The following SPATA31F3 variants were observed in gnomAD, a reference collection of about 807,000 sequenced individuals.
SPATA31F3 encodes the protein SPATA31 subfamily F member 3, also known as protein SPATA31F3.
At chr9:34,893,607 AAAAAAAG>A in the SPATA31F3 span, among the ~76,000 whole-genome samples, 2 of 151,922 alleles carry the variant, frequency 1.3e-5, no homozygotes, top group African/African-American at 2.4e-5. Flanking sequence ...GTCTCAAAAA[AAAAAAAG>A]AAAAAAGAAA....
the SPATA31F3 span, among the ~76,000 whole-genome samples, chr9:34,893,696 C>T: frequency 2.6e-5 from 4 of 152,100 alleles, no homozygotes; most frequent in Admixed American, 6.5e-5. Context: ...AGGCTTCAGA[C>T]GACCCATGGG....
At chr9:34,890,089 C>A in the SPATA31F3 span, among the ~76,000 whole-genome samples, 8 of 152,292 alleles carry the variant, frequency 5.3e-5, no homozygotes, top group South Asian at 1.7e-3. Context: ...CAGATCCTTG[C>A]TAGTCTCTGC....
chr9:34,894,618 TAA>T, the SPATA31F3 span: 1 of 397,444 alleles, frequency 2.5e-6, no homozygotes, highest in African/African-American at 2.1e-5. Context: ...GTCAGAACAC[TAA>T]GTCACATCTG....
the SPATA31F3 span, among the ~76,000 whole-genome samples, chr9:34,895,321 C>CG: frequency 1.3e-5 from 2 of 152,054 alleles, no homozygotes; most frequent in Admixed American, 1.3e-4. Context: ...TTCATAAGTT[C>CG]GGTGGGGACT....
the SPATA31F3 span, among the ~76,000 whole-genome samples, chr9:34,892,200 G>C: frequency 6.6e-6 from 1 of 152,106 alleles, no homozygotes; most frequent in African/African-American, 2.4e-5. Flanking sequence ...AGAGGAGAGG[G>C]TAGAGCTAGA....
chr9:34,895,118 T>C, the SPATA31F3 span: 4 of 398,472 alleles, frequency 1.0e-5, no homozygotes, highest in Non-Finnish European at 1.8e-5. Flanking sequence ...GCAAAGCTGC[T>C]ACACCATTTT....
chr9:34,894,425 A>G, the SPATA31F3 span: 1 of 398,478 alleles, frequency 2.5e-6, no homozygotes, highest in East Asian at 3.6e-5. Context: ...GGAGACTGCA[A>G]AGAAGAAGAG....
At chr9:34,893,072 G>T in the SPATA31F3 span, 1 of 971,530 alleles carries the variant, frequency 1.0e-6, no homozygotes, top group Non-Finnish European at 1.5e-6. Flanking sequence ...AATCTCCAGA[G>T]CCATAACATT....
At chr9:34,892,312 T>C in the SPATA31F3 span, among the ~76,000 whole-genome samples, 1 of 152,174 alleles carries the variant, frequency 6.6e-6, no homozygotes, top group African/African-American at 2.4e-5. Flanking sequence ...TAGCCTCCCA[T>C]GAAACCCAGA....
At chr9:34,889,942 T>A in the SPATA31F3 span, among the ~76,000 whole-genome samples, 1 of 152,144 alleles carries the variant, frequency 6.6e-6, no homozygotes, top group Non-Finnish European at 1.5e-5. Flanking sequence ...TCTAACAGCT[T>A]TGCAAATTAT....
the SPATA31F3 span, chr9:34,894,576 C>A: frequency 2.5e-6 from 1 of 398,236 alleles, no homozygotes; most frequent in Non-Finnish European, 4.4e-6. Context: ...AAGCTGAAGG[C>A]CTTTTAATGA....
chr9:34,891,035 C>T, the SPATA31F3 span, among the ~76,000 whole-genome samples: 1 of 151,772 alleles, frequency 6.6e-6, no homozygotes, highest in East Asian at 1.9e-4. Context: ...TGGGCCACAG[C>T]CCTGGAAAGA....
At chr9:34,892,312 T>G in the SPATA31F3 span, among the ~76,000 whole-genome samples, 1 of 152,174 alleles carries the variant, frequency 6.6e-6, no homozygotes, top group African/African-American at 2.4e-5. Context: ...TAGCCTCCCA[T>G]GAAACCCAGA....
chr9:34,895,652 A>G, the SPATA31F3 span: 2 of 402,254 alleles, frequency 5.0e-6, no homozygotes, highest in African/African-American at 2.1e-5. Flanking sequence ...AATTAATGCA[A>G]TAATGCAGAT....
chr9:34,893,609 AAAAAGAAAAAAG>A, the SPATA31F3 span, among the ~76,000 whole-genome samples: 1 of 151,934 alleles, frequency 6.6e-6, no homozygotes, highest in Non-Finnish European at 1.5e-5. Context: ...CTCAAAAAAA[AAAAAGAAAAAAG>A]AAAAGAAAAA....
the SPATA31F3 span, chr9:34,889,180 T>A: frequency 2.5e-6 from 1 of 398,618 alleles, no homozygotes; most frequent in Non-Finnish European, 4.4e-6. Flanking sequence ...ACCTATGAAC[T>A]CCTTTTTCTT....
chr9:34,893,457 C>T, the SPATA31F3 span, among the ~76,000 whole-genome samples: 103 of 143,794 alleles, frequency 7.2e-4, no homozygotes, highest in Non-Finnish European at 1.1e-3. Context: ...AAAAATTAGC[C>T]AGGCATGGTG....
chr9:34,889,981 T>C, the SPATA31F3 span, among the ~76,000 whole-genome samples: 394 of 152,236 alleles, frequency 2.6e-3, no homozygotes, highest in African/African-American at 8.7e-3. Flanking sequence ...CCCCAAGTAA[T>C]CCTGGAGGAT....
the SPATA31F3 span, chr9:34,893,285 C>G: frequency 9.8e-6 from 4 of 409,868 alleles, no homozygotes; most frequent in Non-Finnish European, 4.3e-6. Flanking sequence ...TTGTCTACCT[C>G]CCTGTTTTTC....
Sources: gnomAD v4.1 joint callset for allele counts (sites outside exome capture counted in the v4.1 genomes callset) on GRCh38, gnomAD v4.1.1 for gene constraint, MANE v1.5 for transcripts, NCBI Gene and HGNC (gene_info 2026-07-23, HGNC 2026-07-21) for gene names.